CSMD1: variants seen among roughly 807,000 people sequenced by gnomAD.
CSMD1 encodes the protein CUB and Sushi multiple domains 1.
CSMD1 carries 213 observed loss-of-function variants against 417.5 expected under a neutral mutation model. That is an observed-to-expected ratio of 0.51 (90% CI 0.46 to 0.57). The LOEUF (loss-of-function observed/expected upper bound fraction) is 0.57, where lower values mean the gene tolerates loss of function less well. Ranked by LOEUF, CSMD1 falls within the 20% of genes least tolerant of loss-of-function variation. The probability of loss-of-function intolerance (pLI) is 0.00; values close to 1 mark genes in which losing one functional copy is unlikely to be tolerated. For synonymous variants in CSMD1, 2,862 were observed against 1,736.8 expected (o/e 1.65, Z -16.11); for missense variants, 6,923 against 4,529.7 (o/e 1.53, Z -15.17).
chr8:4,817,796 T>G (rs563470746), intron 1 of CSMD1, among the ~76,000 whole-genome samples: 5 of 152,334 alleles, frequency 3.3e-5, no homozygotes, highest in Admixed American at 1.3e-4. Context: ...TACACCATCA[T>G]GAGTGATATA....
At chr8:4,883,796 CA>C (rs986595536) in intron 1 of CSMD1, among the ~76,000 whole-genome samples, 1 of 151,804 alleles carries the variant, frequency 6.6e-6, no homozygotes, top group Non-Finnish European at 1.5e-5. Context: ...TTCATGTACA[CA>C]AAAAATATTT....
intron 12 of CSMD1, among the ~76,000 whole-genome samples, chr8:3,447,213 C>G (rs897750318): frequency 2.0e-5 from 3 of 152,216 alleles, no homozygotes; most frequent in South Asian, 4.1e-4. Context: ...AACCAGCATG[C>G]GTCTGCATCT....
chr8:3,507,859 T>G (rs1796896030), intron 10 of CSMD1, among the ~76,000 whole-genome samples: 1 of 152,150 alleles, frequency 6.6e-6, no homozygotes, highest in Non-Finnish European at 1.5e-5. Context: ...GGTTGTTTGT[T>G]TTTTTTCTTG....
intron 12 of CSMD1, among the ~76,000 whole-genome samples, chr8:3,433,644 T>C (rs1814367347): frequency 6.6e-6 from 1 of 152,166 alleles, no homozygotes; most frequent in Non-Finnish European, 1.5e-5. Flanking sequence ...CAGATGGCCA[T>C]TTAGCGCCCA....
At chr8:4,831,467 T>C (rs1800143217) in intron 1 of CSMD1, among the ~76,000 whole-genome samples, 1 of 152,246 alleles carries the variant, frequency 6.6e-6, no homozygotes, top group Non-Finnish European at 1.5e-5. Flanking sequence ...CCAAGCATTT[T>C]ACACTATCAT....
intron 5 of CSMD1, among the ~76,000 whole-genome samples, chr8:3,855,110 T>C (rs1489843282): frequency 2.0e-5 from 3 of 152,190 alleles, no homozygotes; most frequent in African/African-American, 4.8e-5. Context: ...CTTGAAGCTA[T>C]GGTTTTAAAT....
At chr8:4,322,831 C>T (rs906870122) in intron 3 of CSMD1, among the ~76,000 whole-genome samples, 1 of 152,102 alleles carries the variant, frequency 6.6e-6, no homozygotes, top group Non-Finnish European at 1.5e-5. Flanking sequence ...CCCAACTCTC[C>T]TACAAACACA....
At chr8:4,123,438 G>T (rs955554667) in intron 3 of CSMD1, among the ~76,000 whole-genome samples, 2 of 152,066 alleles carry the variant, frequency 1.3e-5, no homozygotes, top group South Asian at 2.1e-4. Context: ...AATATATTTG[G>T]CCTTTAATGT....
chr8:3,826,694 C>T (rs188910174), intron 5 of CSMD1, among the ~76,000 whole-genome samples: 3 of 152,276 alleles, frequency 2.0e-5, no homozygotes, highest in African/African-American at 4.8e-5. Context: ...TGACTTGGTC[C>T]TTGATAATTT....
chr8:3,931,377 T>A (rs916386032), intron 5 of CSMD1, among the ~76,000 whole-genome samples: 4 of 150,692 alleles, frequency 2.7e-5, no homozygotes, highest in Non-Finnish European at 5.9e-5. Context: ...AGGCTTCTAT[T>A]TGAATGTCAC....
intron 5 of CSMD1, among the ~76,000 whole-genome samples, chr8:3,755,330 C>G (rs539635077): frequency 1.3e-5 from 2 of 152,082 alleles, no homozygotes; most frequent in Admixed American, 6.5e-5. Context: ...TATCAAGGGT[C>G]GAAAGATGAT....
intron 3 of CSMD1, among the ~76,000 whole-genome samples, chr8:4,395,484 T>G (rs974457178): frequency 4.0e-5 from 6 of 150,080 alleles, no homozygotes; most frequent in African/African-American, 1.5e-4. Flanking sequence ...CGATGAAGAA[T>G]ACAAATCTCC....
chr8:4,034,455 A>G (rs1797513640), intron 3 of CSMD1, among the ~76,000 whole-genome samples: 1 of 152,180 alleles, frequency 6.6e-6, no homozygotes, highest in Admixed American at 6.5e-5. Context: ...TAATAAGAAA[A>G]TTCTGTATTT....
intron 5 of CSMD1, among the ~76,000 whole-genome samples, chr8:3,959,443 G>A (rs576471608): frequency 1.3e-5 from 2 of 152,284 alleles, no homozygotes; most frequent in African/African-American, 4.8e-5. Flanking sequence ...AGGTTGCAGT[G>A]AGCCAAGATC....
chr8:4,782,935 G>C (rs1276760365), intron 1 of CSMD1, among the ~76,000 whole-genome samples: 1 of 141,760 alleles, frequency 7.1e-6, no homozygotes, highest in Non-Finnish European at 1.5e-5. Context: ...ATAAAACAAT[G>C]TTTTTAAAGA....
chr8:4,462,256 T>C (rs1362181922), intron 2 of CSMD1, among the ~76,000 whole-genome samples: 1 of 151,960 alleles, frequency 6.6e-6, no homozygotes, highest in East Asian at 1.9e-4. Flanking sequence ...TACCATAGCA[T>C]CTAAAAACTC....
At chr8:4,580,344 A>G (rs1799353409) in intron 2 of CSMD1, among the ~76,000 whole-genome samples, 1 of 152,136 alleles carries the variant, frequency 6.6e-6, no homozygotes, top group South Asian at 2.1e-4. Context: ...CCTGTATCAT[A>G]TATCTTTTTA....
intron 5 of CSMD1, among the ~76,000 whole-genome samples, chr8:3,962,736 C>T (rs980156534): frequency 6.6e-6 from 1 of 152,036 alleles, no homozygotes; most frequent in African/African-American, 2.4e-5. Context: ...GGGTTGGACT[C>T]AAGGCTGGAC....
intron 5 of CSMD1, among the ~76,000 whole-genome samples, chr8:3,930,292 C>G (rs576912689): frequency 6.6e-6 from 1 of 150,464 alleles, no homozygotes; most frequent in African/African-American, 2.4e-5. Context: ...CTCTTAGAAG[C>G]AAACTTTATT....
Sources: gnomAD v4.1 joint callset for allele counts (sites outside exome capture counted in the v4.1 genomes callset) on GRCh38, gnomAD v4.1.1 for gene constraint, MANE v1.5 for transcripts, NCBI Gene and HGNC (gene_info 2026-07-23, HGNC 2026-07-21) for gene names.